DPP6: variants seen among roughly 807,000 people sequenced by gnomAD.
DPP6 encodes A-type potassium channel modulatory protein DPP6.
Under a neutral mutation model 122.6 loss-of-function variants are expected in DPP6, and 69 were observed. The ratio of observed to expected loss-of-function variants is 0.56; its 90% CI spans 0.46 to 0.69. The LOEUF is 0.69. Among genes scored for constraint, DPP6 ranks in the 30% least tolerant of loss-of-function variants. DPP6 has a pLI of 0.00. For missense variants in DPP6, 928 were observed against 1,116.9 expected, an observed-to-expected ratio of 0.83 and a Z score of 2.41; for synonymous variants, 418 against 433.1, an observed-to-expected ratio of 0.97 and a Z score of 0.43.
At chr7:154,269,582 G>T (rs1319505779) in intron 1 of DPP6, among the ~76,000 whole-genome samples, 1 of 152,206 alleles carries the variant, frequency 6.6e-6, no homozygotes, top group Non-Finnish European at 1.5e-5. Flanking sequence ...TTGATTTGCT[G>T]TCCTGACTTT....
intron 1 of DPP6, among the ~76,000 whole-genome samples, chr7:153,931,554 T>A (rs1801170102): frequency 7.7e-6 from 1 of 129,380 alleles, no homozygotes; most frequent in Admixed American, 7.8e-5. Flanking sequence ...AAAAACTAGT[T>A]AAAGTATTTC....
At chr7:154,820,354 G>A (rs1314609419) in intron 16 of DPP6, among the ~76,000 whole-genome samples, 3 of 152,068 alleles carry the variant, frequency 2.0e-5, no homozygotes, top group Admixed American at 6.6e-5. Flanking sequence ...CACACAGAGC[G>A]GTAAAGAGTG....
chr7:154,590,770 G>A (rs1441073588), intron 5 of DPP6, among the ~76,000 whole-genome samples: 1 of 150,780 alleles, frequency 6.6e-6, no homozygotes, highest in Non-Finnish European at 1.5e-5. Context: ...CCGACCTCAG[G>A]TGATCCGCTC....
chr7:154,890,320 C>T (rs912895242), intron 25 of DPP6: 7 of 152,232 alleles, frequency 4.6e-5, no homozygotes, highest in African/African-American at 1.7e-4. Context: ...GCCTTGGCCT[C>T]CAGCATCCCT....
intron 19 of DPP6, among the ~76,000 whole-genome samples, chr7:154,873,957 C>T (rs535276597): frequency 9.6e-5 from 14 of 146,346 alleles, no homozygotes; most frequent in South Asian, 2.2e-4. Flanking sequence ...CACACACACA[C>T]GCACCTGCAT....
At chr7:154,291,035 T>C (rs1354326511) in intron 1 of DPP6, among the ~76,000 whole-genome samples, 1 of 152,158 alleles carries the variant, frequency 6.6e-6, no homozygotes, top group Non-Finnish European at 1.5e-5. Context: ...GTGGAAACTC[T>C]CAGGAAGTTG....
intron 1 of DPP6, among the ~76,000 whole-genome samples, chr7:153,959,084 C>G (rs1047998063): frequency 6.6e-6 from 1 of 152,030 alleles, no homozygotes; most frequent in Non-Finnish European, 1.5e-5. Context: ...AAAGGCAGGC[C>G]AAGAACCTGG....
chr7:154,799,143 C>G (rs1798206518), intron 12 of DPP6, among the ~76,000 whole-genome samples: 1 of 152,172 alleles, frequency 6.6e-6, no homozygotes, highest in Non-Finnish European at 1.5e-5. Context: ...CTTCCAAGGA[C>G]CCGGTGCAAG....
intron 1 of DPP6, among the ~76,000 whole-genome samples, chr7:153,912,605 G>A (rs541684840): frequency 7.2e-5 from 11 of 152,198 alleles, no homozygotes; most frequent in Non-Finnish European, 1.3e-4. Context: ...GTGGGTTGTT[G>A]AGAATAATAG....
At chr7:154,289,024 C>T (rs1285448993) in intron 1 of DPP6, among the ~76,000 whole-genome samples, 1 of 152,050 alleles carries the variant, frequency 6.6e-6, no homozygotes, top group Non-Finnish European at 1.5e-5. Flanking sequence ...AGAGTGCAGC[C>T]CTGTTTGAAA....
intron 1 of DPP6, among the ~76,000 whole-genome samples, chr7:154,074,104 G>GATAGATATATAGAGATCTCTAT (rs1266353145): frequency 3.7e-5 from 3 of 81,934 alleles, no homozygotes; most frequent in African/African-American, 1.5e-4. Flanking sequence ...TCTATATAGA[G>GATAGATATATAGAGATCTCTAT]ATAGAGAGAT....
At chr7:154,327,617 T>A (rs1270341842) in intron 1 of DPP6, among the ~76,000 whole-genome samples, 1 of 152,194 alleles carries the variant, frequency 6.6e-6, no homozygotes, top group Non-Finnish European at 1.5e-5. Context: ...TAGGCCGTTG[T>A]GAAATTTCCT....
At chr7:154,196,102 C>T (rs545414178) in intron 1 of DPP6, among the ~76,000 whole-genome samples, 3 of 152,358 alleles carry the variant, frequency 2.0e-5, no homozygotes, top group African/African-American at 7.2e-5. Flanking sequence ...CTCCTCTCCT[C>T]TCTGTTCTGT....
intron 8 of DPP6, among the ~76,000 whole-genome samples, chr7:154,733,939 T>C (rs556669001): frequency 1.3e-5 from 2 of 152,378 alleles, no homozygotes; most frequent in South Asian, 4.1e-4. Flanking sequence ...GTACACTTTG[T>C]GTGCCTTGTG....
At position 154,863,727 on chromosome 7, in the gene DPP6, A is replaced by C. The variant is rs758943547; in HGVS notation, c.1715-4268A>C. Among the ~76,000 whole-genome samples the C allele has an allele frequency of 9.2e-5, 14 of 151,862 alleles. No homozygotes were observed. Among genetic ancestry groups the C allele is most frequent in the Non-Finnish European group, 1.8e-4 (12 of 67,986 alleles). ...CTGCTCAGGAGGCTAAGGTGGGAGG[A>C]TTGCTTGAGCCCGGGTGTTCGAGGC... On this transcript the variant is annotated intron_variant, in intron 17 of 25. Coordinates refer to ENST00000377770, the MANE Select transcript of DPP6 (RefSeq NM_130797.4). This position sits in a 1 kb window ranked among gnomAD's most constrained non-coding sequence, Gnocchi z 4.1.
chr7:154,876,151 C>G (rs1804832292), intron 20 of DPP6, 51 bp downstream of exon 20: 3 of 1,502,968 alleles, frequency 2.0e-6, no homozygotes, highest in Middle Eastern at 2.4e-4. Flanking sequence ...CGGGGCTCCT[C>G]ATGGGGGCAG....
chr7:153,966,554 C>CTTTTTT (rs753840054), intron 1 of DPP6, among the ~76,000 whole-genome samples: 7 of 41,356 alleles, frequency 1.7e-4, no homozygotes, highest in East Asian at 1.9e-3. Context: ...CCTGTGTTGG[C>CTTTTTT]TTTTTTTTTT....
At chr7:154,269,902 A>C (rs559135402) in intron 1 of DPP6, among the ~76,000 whole-genome samples, 1 of 152,370 alleles carries the variant, frequency 6.6e-6, no homozygotes, top group East Asian at 1.9e-4. Flanking sequence ...CTTCTTAGGT[A>C]TAAAATTCAT....
chr7:154,153,204 T>C, intron 1 of DPP6, among the ~76,000 whole-genome samples: 1 of 152,218 alleles, frequency 6.6e-6, no homozygotes, highest in Admixed American at 6.5e-5. Flanking sequence ...CTTTATTTTA[T>C]TTTAAGATGG....
Sources: gnomAD v4.1 joint callset for allele counts (sites outside exome capture counted in the v4.1 genomes callset) on GRCh38, gnomAD v4.1.1 for gene constraint, Gnocchi (gnomAD v3.1) non-coding constraint, MANE v1.5 for transcripts, NCBI Gene and HGNC (gene_info 2026-07-23, HGNC 2026-07-21) for gene names.